DENND1A: variants seen among roughly 807,000 people sequenced by gnomAD.
DENND1A encodes the protein DENN domain containing 1A, also known as DENN domain-containing protein 1A.
Under a neutral mutation model 113.7 loss-of-function variants are expected in DENND1A, and 51 were observed. The ratio of observed to expected loss-of-function variants is 0.45; its 90% confidence interval spans 0.36 to 0.57. The LOEUF (loss-of-function observed/expected upper bound fraction) is 0.57. Ranked by LOEUF, DENND1A falls within the 20% of genes least tolerant of loss-of-function variation. The probability of loss-of-function intolerance (pLI) is 0.00; values close to 1 mark genes in which losing one functional copy is unlikely to be tolerated. For synonymous variants in DENND1A, 565 were observed against 570.8 expected, an observed-to-expected ratio of 0.99 and a Z score of 0.14; for missense variants, 1,258 against 1,395.9, an observed-to-expected ratio of 0.90 and a Z score of 1.57.
chr9:123,394,730 G>A (rs1424332273), intron 21 of DENND1A, among the ~76,000 whole-genome samples: 4 of 152,260 alleles, frequency 2.6e-5, no homozygotes, highest in South Asian at 2.1e-4. Context: ...AGCACAGGAT[G>A]TGGGCTTCAG....
At chr9:123,524,378 A>AT (rs1304055625) in intron 13 of DENND1A, among the ~76,000 whole-genome samples, 18 of 152,374 alleles carry the variant, frequency 1.2e-4, no homozygotes, top group African/African-American at 3.6e-4. Context: ...TATGATAGGA[A>AT]TAAGTCCAGG....
chr9:123,671,295 C>G lies in DENND1A; in HGVS notation c.449G>C (p.Ser150Thr), dbSNP rs758346679. 6 of 1,614,024 alleles carry G rather than the reference C, an allele frequency of 3.7e-6. No individual in the cohort carries two copies. Among genetic ancestry groups the G allele is most frequent in the Non-Finnish European group, 5.1e-6 (6 of 1,179,978 alleles). The change falls in exon 7 of 24, where the codon AGC (serine) becomes ACC (threonine). Residue 150 changes from serine to threonine, a missense_variant. Coordinates refer to ENST00000394215, the MANE Select transcript of DENND1A (RefSeq NM_001352964.2). ...CTAATACTCCGCCCCACTTACCACG[C>G]TGAGATGGACAGACACTCCTGGGTC... is the stretch of plus-strand genomic sequence containing the variant. ...IPDPGVSVHL[S>T]VHSYFTVPDT...
intron 10 of DENND1A, among the ~76,000 whole-genome samples, chr9:123,626,360 G>C (rs2061214995): frequency 6.6e-6 from 1 of 151,988 alleles, no homozygotes; most frequent in South Asian, 2.1e-4. Context: ...TGTCTGGGGG[G>C]AGAGGGGATG....
chr9:123,589,812 C>G (rs1430253306), intron 11 of DENND1A, among the ~76,000 whole-genome samples: 1 of 152,210 alleles, frequency 6.6e-6, no homozygotes, highest in African/African-American at 2.4e-5. Flanking sequence ...AACTTGACCC[C>G]TGCCTTTCAG....
intron 1 of DENND1A, among the ~76,000 whole-genome samples, chr9:123,883,868 CAAAAA>C (rs75076282): frequency 3.2e-5 from 3 of 93,982 alleles, no homozygotes; most frequent in African/African-American, 3.1e-5. Flanking sequence ...ATGACAGTCT[CAAAAA>C]AAAAAAAAAA....
intron 11 of DENND1A, among the ~76,000 whole-genome samples, chr9:123,596,260 A>G (rs1465337204): frequency 6.6e-6 from 1 of 152,200 alleles, no homozygotes; most frequent in Non-Finnish European, 1.5e-5. Context: ...GCCTGCAGTT[A>G]AAACTTGTTT....
At chr9:123,792,744 G>T (rs1745039397) in intron 2 of DENND1A, 114 bp from the exon 3 acceptor site, 3 of 1,118,550 alleles carry the variant, frequency 2.7e-6, no homozygotes, top group Non-Finnish European at 3.9e-6. Flanking sequence ...GATCCAAGGG[G>T]GGCAGCTGAG....
intron 12 of DENND1A, among the ~76,000 whole-genome samples, chr9:123,567,171 G>A (rs2058102067): frequency 6.6e-6 from 1 of 152,136 alleles, no homozygotes; most frequent in Non-Finnish European, 1.5e-5. Flanking sequence ...GGCAGTTCAG[G>A]TTTAAAGGTC....
chr9:123,466,951 T>C (rs922782512), intron 13 of DENND1A, among the ~76,000 whole-genome samples: 1 of 151,492 alleles, frequency 6.6e-6, no homozygotes, highest in African/African-American at 2.4e-5. Context: ...CTCAGGACGC[T>C]GAGGCAGGAA....
At chr9:123,902,381 G>C (rs900147769) in intron 1 of DENND1A, among the ~76,000 whole-genome samples, 2 of 152,150 alleles carry the variant, frequency 1.3e-5, no homozygotes, top group African/African-American at 4.8e-5. Context: ...ATTCTGTAAG[G>C]CAATAAAGTT....
At chr9:123,644,749 G>A (rs1271756035) in intron 9 of DENND1A, among the ~76,000 whole-genome samples, 3 of 152,140 alleles carry the variant, frequency 2.0e-5, no homozygotes, top group South Asian at 4.1e-4. Flanking sequence ...GCATCATAAC[G>A]ACCTATATTC....
At position 123,929,987 on chromosome 9, in the gene DENND1A, T is replaced by A. The variant is rs1452854045; in HGVS notation, c.-82A>T. 1.2e-5 allele frequency: 3 copies of A among 250,540 alleles called. No individual in the cohort carries two copies. Among genetic ancestry groups the A allele is most frequent in the Non-Finnish European group, 7.4e-6 (1 of 135,578 alleles). 15.5% of individuals were successfully genotyped at this position (250,540 alleles called of 1,614,324 possible). ...CGCCCGCGGCCGACCGGCCTCCCTCTGGCGCTCTCCCCGCCCCTTCCTCCC... is the reference window on the plus strand; with the variant it reads ...CGCCCGCGGCCGACCGGCCTCCCTCAGGCGCTCTCCCCGCCCCTTCCTCCC... On this transcript the variant is annotated 5_prime_UTR_variant, in exon 1 of 24. Coordinates refer to ENST00000394215, the MANE Select transcript of DENND1A (RefSeq NM_001352964.2).
intron 19 of DENND1A, among the ~76,000 whole-genome samples, chr9:123,421,797 A>G (rs932616136): frequency 6.6e-6 from 1 of 152,132 alleles, no homozygotes; most frequent in Non-Finnish European, 1.5e-5. Flanking sequence ...GGCCACCACG[A>G]GCCTCCAACT....
At chr9:123,883,454 C>A (rs1420605197) in intron 1 of DENND1A, among the ~76,000 whole-genome samples, 1 of 152,168 alleles carries the variant, frequency 6.6e-6, no homozygotes, top group African/African-American at 2.4e-5. Flanking sequence ...ACTATAGTCA[C>A]CTGGAGGGCT....
At chr9:123,433,861 C>G (rs1177694553) in intron 19 of DENND1A, among the ~76,000 whole-genome samples, 1 of 152,178 alleles carries the variant, frequency 6.6e-6, no homozygotes, top group Non-Finnish European at 1.5e-5. Context: ...CTGCACAGCT[C>G]TGCCCATCCT....
chr9:123,757,167 C>T (rs1260838119), intron 5 of DENND1A, among the ~76,000 whole-genome samples: 1 of 152,140 alleles, frequency 6.6e-6, no homozygotes, highest in Non-Finnish European at 1.5e-5. Flanking sequence ...GTATGAGGGG[C>T]TTTTAGAAGA....
intron 2 of DENND1A, among the ~76,000 whole-genome samples, chr9:123,856,326 G>A (rs182238117): frequency 1.2e-3 from 185 of 152,194 alleles, no homozygotes; most frequent in African/African-American, 4.0e-3. Context: ...CGAGAAGAGC[G>A]CCCACACTGT....
chr9:123,840,531 T>C (rs1248242582), intron 2 of DENND1A, among the ~76,000 whole-genome samples: 2 of 152,210 alleles, frequency 1.3e-5, no homozygotes, highest in African/African-American at 4.8e-5. Flanking sequence ...ATTATAAGTT[T>C]TACAAATATT....
intron 5 of DENND1A, 58 bp from the exon 6 acceptor site, chr9:123,676,847 A>G: frequency 2.0e-6 from 3 of 1,506,034 alleles, no homozygotes; most frequent in Non-Finnish European, 2.8e-6. Flanking sequence ...AACTTTAACC[A>G]GGATCTAATT....
Sources: gnomAD v4.1 joint callset for allele counts (sites outside exome capture counted in the v4.1 genomes callset) on GRCh38, gnomAD v4.1.1 for gene constraint, MANE v1.5 for transcripts, NCBI Gene and HGNC (gene_info 2026-07-23, HGNC 2026-07-21) for gene names.